Variants in HEPH observed in about 807,000 individuals in gnomAD.
HEPH encodes the protein hephaestin.
Under a neutral mutation model 80.8 loss-of-function variants are expected in HEPH, and 69 were observed. The observed-to-expected ratio is 0.85, with a 90% confidence interval of 0.70 to 1.04. The LOEUF (loss-of-function observed/expected upper bound fraction) is 1.04. HEPH is among the 50% of genes least tolerant of loss of function. The probability of loss-of-function intolerance (pLI) is 0.00; values close to 1 mark genes in which losing one functional copy is unlikely to be tolerated. For synonymous variants in HEPH, 431 were observed against 322.8 expected, an observed-to-expected ratio of 1.34 and a Z score of -3.60; for missense variants, 1,115 against 891.3, an observed-to-expected ratio of 1.25 and a Z score of -3.20.
chrX:66,255,095 C>T lies in HEPH; in HGVS notation c.2624C>T (p.Ser875Phe). The change falls in exon 16 of 21, where the codon TCT becomes TTT. Residue 875 changes from serine to phenylalanine, a missense_variant. This residue lies in a region of HEPH where 716 missense variants were observed against 523.5 expected (regional missense o/e 1.37). Coordinates refer to ENST00000343002, the MANE Select transcript of HEPH (RefSeq NM_001367233.3). The part of the protein sequence containing the change: ...PERSGPGPND[S>F]ACVSWIYYSA... The stretch of plus-strand genomic sequence containing the variant: ...AGGTCTGGCCCTGGGCCCAATGACT[C>T]TGCTTGTGTTTCCTGGATCTATTAT... 1 of 1,208,036 alleles carries T rather than the reference C, an allele frequency of 8.3e-7. No homozygotes were observed. Among genetic ancestry groups the T allele is most frequent in the East Asian group, 3.0e-5 (1 of 33,734 alleles).
intron 20 of HEPH, 59 bp downstream of exon 20, chrX:66,263,747 G>C (rs775310182): frequency 9.2e-7 from 1 of 1,084,118 alleles, no homozygotes; most frequent in East Asian, 3.0e-5. Context: ...GTATGAGGTT[G>C]GGTGAAGTAC....
chrX:66,228,333 G>T lies in HEPH; in HGVS notation c.2563+20087G>T, dbSNP rs139567499. 7.5e-3 allele frequency among the ~76,000 whole-genome samples: 846 copies of T among 112,437 alleles called. 4 individuals are homozygous for T. Among genetic ancestry groups the T allele is most frequent in the Non-Finnish European group, 0.013 (707 of 53,193 alleles). On this transcript the variant is annotated intron_variant, in intron 15 of 20. Coordinates refer to ENST00000343002, the MANE Select transcript of HEPH (RefSeq NM_001367233.3). ...GGAGCTACAATTCAAGATGAGATTCGTGTGGAACACAGCAAAACCATATCG... is the reference window on the plus strand; with the variant it reads ...GGAGCTACAATTCAAGATGAGATTCTTGTGGAACACAGCAAAACCATATCG...
rs775210827 is a variant in HEPH, at chrX:66,173,868, G to A, written c.625+67G>A. On this transcript the variant is annotated intron_variant, in intron 4 of 20. Coordinates refer to ENST00000343002, the MANE Select transcript of HEPH (RefSeq NM_001367233.3). ...ATCTAGGGGTAGCAGTGATATGGTT[G>A]AACCACCTACATATTGGACAGCAGC... 7 of 798,227 alleles carry A rather than the reference G, an allele frequency of 8.8e-6. No homozygotes were observed. In the East Asian group the frequency reaches 2.1e-4, roughly 24 times the overall value. The allele number at this position is 798,227 out of a possible 1,213,427, so 65.8% of individuals were successfully genotyped here.
chrX:66,209,473 C>T (rs1393862175), intron 15 of HEPH, among the ~76,000 whole-genome samples: 1 of 111,177 alleles, frequency 9.0e-6, no homozygotes, highest in East Asian at 2.8e-4. Context: ...AACAGGTGAC[C>T]TAAAGGATGA....
At chrX:66,242,652 TAAAC>T (rs2090644426) in intron 15 of HEPH, among the ~76,000 whole-genome samples, 2 of 111,722 alleles carry the variant, frequency 1.8e-5, no homozygotes, top group African/African-American at 6.5e-5. Flanking sequence ...ATAAAGAACT[TAAAC>T]AAATCAACAA....
At chrX:66,173,994 C>A (rs942283604) in intron 4 of HEPH, among the ~76,000 whole-genome samples, 193 bp downstream of exon 4, 1 of 109,241 alleles carries the variant, frequency 9.2e-6, no homozygotes, top group African/African-American at 3.3e-5. Flanking sequence ...TACTTTTTTT[C>A]TTTGTTTGTG....
intron 15 of HEPH, among the ~76,000 whole-genome samples, chrX:66,229,320 A>G (rs1602430456): frequency 1.8e-5 from 2 of 112,445 alleles, no homozygotes; most frequent in African/African-American, 6.5e-5. Context: ...ATGGAATTGG[A>G]AACTGTTATT....
chrX:66,165,943 G>A (rs1229589274), intron 1 of HEPH, among the ~76,000 whole-genome samples: 1 of 110,364 alleles, frequency 9.1e-6, no homozygotes, highest in African/African-American at 3.3e-5. Flanking sequence ...AAATATCCTT[G>A]CCCAAGTGAA....
At chrX:66,259,256 C>A (rs966139813) in intron 18 of HEPH, among the ~76,000 whole-genome samples, 2 of 111,730 alleles carry the variant, frequency 1.8e-5, no homozygotes, top group African/African-American at 6.5e-5. Flanking sequence ...CAGTCAAGGA[C>A]TTGAGACTCA....
chrX:66,208,078 G>T (rs41310611), intron 14 of HEPH, 37 bp from the exon 15 acceptor site: 11,967 of 1,075,868 alleles, frequency 0.011, 61 homozygotes, highest in Non-Finnish European at 0.014. Context: ...CTGCATTAAT[G>T]AAACTTTATT....
chrX:66,204,912 T>C (rs893893625), intron 13 of HEPH, among the ~76,000 whole-genome samples: 4 of 111,974 alleles, frequency 3.6e-5, no homozygotes, highest in African/African-American at 1.3e-4. Context: ...GAGAATGGTT[T>C]TTTTAATAAT....
Position 66,176,570 on chromosome X carries a change from A to G in HEPH, c.625+2769A>G, listed in dbSNP as rs371711727. Among the ~76,000 whole-genome samples the G allele has an allele frequency of 8.1e-5, 9 of 111,535 alleles. No individual in the cohort carries two copies. The East Asian group carries it at 2.3e-3, about 28-fold the overall frequency. On this transcript the variant is annotated intron_variant, in intron 4 of 20. Coordinates refer to ENST00000343002, the MANE Select transcript of HEPH (RefSeq NM_001367233.3). ...ATGTACAGGTTTGTTACATATGTAT[A>G]CATGTGCCATGTTGGTGCGCTGCAC...
rs190127464 is a variant in HEPH at position 66,253,721 on chromosome X, A to C, written c.2564-1314A>C. ...TCATCAACTGAAGAATGAATGAATA[A>C]AATATGGTGTATCTATTCAATGGAC... On this transcript the variant is annotated intron_variant, in intron 15 of 20. Transcript: ENST00000343002. Among the ~76,000 whole-genome samples, 604 of 112,584 alleles carry C rather than the reference A, an allele frequency of 5.4e-3. 5 individuals carry two copies. The highest frequency in any genetic ancestry group is 0.019 in the African/African-American group (578 of 31,077).
At chrX:66,208,091 T>C (rs2088892926) in intron 14 of HEPH, 24 bp from the exon 15 acceptor site, 1 of 1,109,072 alleles carries the variant, frequency 9.0e-7, no homozygotes, top group Admixed American at 2.6e-5. Context: ...ACTTTATTTA[T>C]TTAATTATTT....
intron 2 of HEPH, chrX:66,170,986 C>T: frequency 2.8e-6 from 1 of 353,158 alleles, no homozygotes. Flanking sequence ...GTTTTCTAAT[C>T]TCATACCCAC....
intron 4 of HEPH, among the ~76,000 whole-genome samples, chrX:66,176,324 T>G (rs1022579763): frequency 1.8e-5 from 2 of 111,876 alleles, no homozygotes; most frequent in East Asian, 5.6e-4. Context: ...CATATTGACT[T>G]GCATATGTTA....
intron 15 of HEPH, among the ~76,000 whole-genome samples, chrX:66,247,408 C>G (rs945565295): frequency 3.7e-5 from 4 of 107,790 alleles, no homozygotes; most frequent in African/African-American, 1.4e-4. Flanking sequence ...GTCCTATCAT[C>G]AAGTTATCTG....
At chrX:66,176,220 A>G (rs2086796586) in intron 4 of HEPH, among the ~76,000 whole-genome samples, 1 of 112,283 alleles carries the variant, frequency 8.9e-6, no homozygotes, top group Admixed American at 9.4e-5. Flanking sequence ...AGTTTTAATC[A>G]TAATGTAATG....
intron 15 of HEPH, among the ~76,000 whole-genome samples, chrX:66,251,019 G>T (rs1415995211): frequency 1.8e-5 from 2 of 111,624 alleles, no homozygotes; most frequent in African/African-American, 6.5e-5. Flanking sequence ...GAGTAGCTGG[G>T]ATTACAGGTG....
Sources: allele counts gnomAD v4.1 joint callset (sites outside exome capture counted in the v4.1 genomes callset), GRCh38; gene constraint gnomAD v4.1.1; regional missense constraint gnomAD v4.1.1; transcripts MANE v1.5; gene names NCBI Gene and HGNC (gene_info 2026-07-23, HGNC 2026-07-21).